The following PDE7A variants were observed in gnomAD, a reference collection of about 807,000 sequenced individuals.
The protein encoded by PDE7A is phosphodiesterase 7A.
A neutral mutation model predicts 64.3 loss-of-function variants in PDE7A; 39 were observed. The ratio of observed to expected loss-of-function variants is 0.61; its 90% CI spans 0.47 to 0.79. The LOEUF is 0.79. Ranked by LOEUF, PDE7A falls within the 30% of genes least tolerant of loss-of-function variation. PDE7A has a pLI of 0.00. For synonymous variants in PDE7A, 203 were observed against 206.8 expected, an observed-to-expected ratio of 0.98 and a Z score of 0.16; for missense variants, 470 against 582.8, an observed-to-expected ratio of 0.81 and a Z score of 1.99.
intron 1 of PDE7A, among the ~76,000 whole-genome samples, chr8:65,784,741 T>G (rs1035581892): frequency 2.0e-5 from 3 of 151,902 alleles, no homozygotes; most frequent in Non-Finnish European, 4.4e-5. Flanking sequence ...AAAAAAAAAT[T>G]TTAACTGTCT....
chr8:65,717,529 C>G lies in PDE7A; in HGVS notation c.*1761G>C, dbSNP rs897502252. 6.6e-6 allele frequency: 1 copy of G among 152,236 alleles called. No individual in the cohort carries two copies. Among genetic ancestry groups the G allele is most frequent in the Non-Finnish European group, 1.5e-5 (1 of 68,044 alleles). 9.4% of individuals were successfully genotyped at this position (152,236 alleles called of 1,614,324 possible). On this transcript the variant is annotated 3_prime_UTR_variant, in exon 13 of 13. Transcript: ENST00000401827. ...AGCCCTAACTGGGCTTCTGCTTACTCACTTGCAAGGTGAGTCATTAGTAGA... is the reference window on the plus strand; with the variant it reads ...AGCCCTAACTGGGCTTCTGCTTACTGACTTGCAAGGTGAGTCATTAGTAGA...
chr8:65,833,899 C>T (rs991559783), intron 1 of PDE7A, among the ~76,000 whole-genome samples: 1 of 151,926 alleles, frequency 6.6e-6, no homozygotes, highest in Non-Finnish European at 1.5e-5. Flanking sequence ...TGCAATGAGC[C>T]GAGATACTGC....
intron 1 of PDE7A, among the ~76,000 whole-genome samples, chr8:65,827,676 G>GT (rs1399179845): frequency 6.6e-6 from 1 of 152,042 alleles, no homozygotes; most frequent in African/African-American, 2.4e-5. Flanking sequence ...TCTTTTCTAT[G>GT]TTTAAATGCA....
At chr8:65,780,125 T>C (rs1585912061) in intron 2 of PDE7A, among the ~76,000 whole-genome samples, 1 of 144,670 alleles carries the variant, frequency 6.9e-6, no homozygotes, top group East Asian at 2.0e-4. Flanking sequence ...ATGGGCAACA[T>C]TTTTTTTTTT....
chr8:65,798,179 CATATATAT>C (rs1218978698), intron 1 of PDE7A, among the ~76,000 whole-genome samples: 3 of 118,908 alleles, frequency 2.5e-5, no homozygotes, highest in African/African-American at 1.1e-4. Context: ...TGTGTGTGTG[CATATATAT>C]ATATATATAT....
chr8:65,745,541 G>C, intron 4 of PDE7A, 71 bp from the exon 5 acceptor site: 1 of 839,010 alleles, frequency 1.2e-6, no homozygotes, highest in Non-Finnish European at 2.0e-6. Flanking sequence ...ATATTCCATA[G>C]AGAAGTTAAA....
intron 9 of PDE7A, among the ~76,000 whole-genome samples, chr8:65,726,366 C>G (rs1381435654): frequency 6.6e-6 from 1 of 151,850 alleles, no homozygotes; most frequent in African/African-American, 2.4e-5. Flanking sequence ...TTTTTCCATT[C>G]ATTATTATAT....
chr8:65,822,483 T>C (rs1371407001), intron 1 of PDE7A, among the ~76,000 whole-genome samples: 5 of 152,332 alleles, frequency 3.3e-5, no homozygotes, highest in South Asian at 2.1e-4. Flanking sequence ...AATGGTTTGA[T>C]TCACTTTCTA....
intron 3 of PDE7A, among the ~76,000 whole-genome samples, chr8:65,770,121 C>CTGTGTGTG (rs10608556): frequency 5.9e-4 from 87 of 146,554 alleles, no homozygotes; most frequent in Middle Eastern, 3.4e-3. Flanking sequence ...CAGTATACTT[C>CTGTGTGTG]TGTGTGTGTG....
At chr8:65,741,117 T>C (rs1005057367) in intron 5 of PDE7A, among the ~76,000 whole-genome samples, 2 of 152,250 alleles carry the variant, frequency 1.3e-5, no homozygotes, top group South Asian at 4.1e-4. Flanking sequence ...CCTCCTATTA[T>C]ACTTCTCAGT....
chr8:65,809,977 C>T (rs1046478173), intron 1 of PDE7A, among the ~76,000 whole-genome samples: 1 of 152,112 alleles, frequency 6.6e-6, no homozygotes, highest in Non-Finnish European at 1.5e-5. Flanking sequence ...TACCATTTGA[C>T]CCAGCGATAT....
At chr8:65,824,404 G>T (rs1384534704) in intron 1 of PDE7A, among the ~76,000 whole-genome samples, 1 of 152,108 alleles carries the variant, frequency 6.6e-6, no homozygotes, top group African/African-American at 2.4e-5. Flanking sequence ...TGACAACAAA[G>T]AATTCAGGAT....
chr8:65,748,092 G>A (rs1193183386), intron 3 of PDE7A, among the ~76,000 whole-genome samples: 2 of 147,244 alleles, frequency 1.4e-5, no homozygotes, highest in Non-Finnish European at 1.5e-5. Flanking sequence ...TAATAATCAC[G>A]GTTTGTTTTT....
intron 2 of PDE7A, among the ~76,000 whole-genome samples, chr8:65,781,565 G>T (rs1479019523): frequency 6.6e-6 from 1 of 152,110 alleles, no homozygotes; most frequent in African/African-American, 2.4e-5. Context: ...GTATTTAAAG[G>T]TATCAACCAG....
chr8:65,816,924 C>T (rs1329852964), intron 1 of PDE7A, among the ~76,000 whole-genome samples: 1 of 152,158 alleles, frequency 6.6e-6, no homozygotes, highest in African/African-American at 2.4e-5. Flanking sequence ...CTGACCCTTT[C>T]TCCTTTTGAG....
At chr8:65,782,727 T>C (rs1809450219) in intron 2 of PDE7A, 56 bp downstream of exon 2, 3 of 941,296 alleles carry the variant, frequency 3.2e-6, no homozygotes, top group Non-Finnish European at 5.0e-6. Flanking sequence ...CAAACTCAAA[T>C]AACAACAGGT....
intron 10 of PDE7A, among the ~76,000 whole-genome samples, 197 bp downstream of exon 10, chr8:65,724,580 G>A (rs552844610): frequency 1.5e-4 from 23 of 152,096 alleles, no homozygotes; most frequent in Non-Finnish European, 2.5e-4. Flanking sequence ...TGAAAAACAC[G>A]TAAGCAATGA....
chr8:65,789,194 T>G (rs1214425537), intron 1 of PDE7A: 2 of 505,066 alleles, frequency 4.0e-6, no homozygotes, highest in African/African-American at 1.9e-5. Flanking sequence ...CTAAGTAATG[T>G]TGGAAGAGGG....
chr8:65,803,572 T>C (rs1245065806), intron 1 of PDE7A, among the ~76,000 whole-genome samples: 2 of 152,210 alleles, frequency 1.3e-5, no homozygotes, highest in African/African-American at 2.4e-5. Flanking sequence ...CTGGAATAGG[T>C]GGTGTTTAAT....
Sources: allele counts gnomAD v4.1 joint callset (sites outside exome capture counted in the v4.1 genomes callset), GRCh38; gene constraint gnomAD v4.1.1; transcripts MANE v1.5; gene names NCBI Gene and HGNC (gene_info 2026-07-23, HGNC 2026-07-21).